Variants in WDR45B observed in about 807,000 individuals in gnomAD.
The protein encoded by WDR45B is WD repeat domain 45B, also known as WD repeat domain phosphoinositide-interacting protein 3.
Under a neutral mutation model 44.6 loss-of-function variants are expected in WDR45B, and 20 were observed. The observed-to-expected ratio is 0.45, with a 90% confidence interval of 0.32 to 0.65. The LOEUF (loss-of-function observed/expected upper bound fraction) is 0.65, where lower values mean the gene tolerates loss of function less well. WDR45B is among the 30% of genes least tolerant of loss of function. The pLI, the probability that WDR45B is intolerant of heterozygous loss-of-function variation, is 0.05. For missense variants in WDR45B, 323 were observed against 430.2 expected, an observed-to-expected ratio of 0.75 and a Z score of 2.20; for synonymous variants, 169 against 164.9, an observed-to-expected ratio of 1.02 and a Z score of -0.19.
At chr17:82,642,301 C>A (rs2045927649) in intron 2 of WDR45B, among the ~76,000 whole-genome samples, 1 of 152,182 alleles carries the variant, frequency 6.6e-6, no homozygotes, top group South Asian at 2.1e-4. Context: ...GCATGAACCC[C>A]ACTGTGAACG....
chr17:82,625,236 T>G (rs2045679524), intron 5 of WDR45B, among the ~76,000 whole-genome samples, 153 bp downstream of exon 5: 1 of 152,198 alleles, frequency 6.6e-6, no homozygotes, highest in Admixed American at 6.5e-5. Flanking sequence ...CTGTGGGTCC[T>G]GGAAGGTCCA....
intron 6 of WDR45B, 92 bp downstream of exon 6, chr17:82,621,517 C>T: frequency 1.3e-6 from 2 of 1,565,922 alleles, no homozygotes; most frequent in Non-Finnish European, 1.8e-6. Context: ...GGCAGGCCCA[C>T]TGCCTTTTGA....
intron 3 of WDR45B, among the ~76,000 whole-genome samples, chr17:82,628,326 CTT>C (rs1327536828): frequency 6.6e-6 from 1 of 152,158 alleles, no homozygotes; most frequent in African/African-American, 2.4e-5. Flanking sequence ...TTTCTTCTGT[CTT>C]GTTTGCCTGC....
At chr17:82,642,133 G>C (rs2045924324) in intron 2 of WDR45B, among the ~76,000 whole-genome samples, 1 of 152,024 alleles carries the variant, frequency 6.6e-6, no homozygotes, top group Non-Finnish European at 1.5e-5. Context: ...TGTATTCTTG[G>C]CAATTATCCT....
At chr17:82,639,374 T>C (rs1023355140) in intron 2 of WDR45B, among the ~76,000 whole-genome samples, 12 of 152,024 alleles carry the variant, frequency 7.9e-5, no homozygotes, top group Non-Finnish European at 1.5e-4. Flanking sequence ...AATATTGGTA[T>C]ACAGGCACCA....
rs974504421 is a variant in WDR45B at position 82,625,438 on chromosome 17, T to A, written c.378A>T (p.Thr126=). ...AGACGTGCAACTGATGGGGATTGTG[T>A]GTGAATGTGAACACCTTAATCATGG... ...LDSMIKVFTF[T]HNPHQLHVFE... Residue 126 remains threonine, a synonymous_variant, in exon 5 of 10, where the codon ACA becomes ACT. Transcript: ENST00000392325. The A allele has an allele frequency of 3.1e-6, 5 of 1,614,210 alleles. No individual in the cohort carries two copies. The highest frequency in any genetic ancestry group is 3.4e-6 in the Non-Finnish European group (4 of 1,180,032).
chr17:82,621,058 T>TC (rs1200016237), intron 6 of WDR45B, among the ~76,000 whole-genome samples: 1 of 150,152 alleles, frequency 6.7e-6, no homozygotes, highest in East Asian at 1.9e-4. Flanking sequence ...TTGTTTCTTT[T>TC]TTTTTTTTTT....
At chr17:82,627,102 C>T in intron 4 of WDR45B, 102 bp downstream of exon 4, 3 of 952,162 alleles carry the variant, frequency 3.2e-6, no homozygotes, top group Non-Finnish European at 3.4e-6. Flanking sequence ...CATTTTAATA[C>T]ATCATTTCCT....
At chr17:82,626,185 T>A (rs769090530) in intron 4 of WDR45B, among the ~76,000 whole-genome samples, 3 of 151,208 alleles carry the variant, frequency 2.0e-5, no homozygotes, top group East Asian at 2.0e-4. Flanking sequence ...CCGGCCACAT[T>A]TGCATTACTA....
intron 2 of WDR45B, among the ~76,000 whole-genome samples, chr17:82,634,150 CAAAAAAA>C (rs36183298): frequency 6.0e-4 from 19 of 31,908 alleles, no homozygotes; most frequent in South Asian, 2.4e-3. Context: ...GACTCCATCT[CAAAAAAA>C]AAAAAAAAAA....
At chr17:82,641,214 G>A (rs149991786) in intron 2 of WDR45B, among the ~76,000 whole-genome samples, 166 of 152,042 alleles carry the variant, frequency 1.1e-3, no homozygotes, top group African/African-American at 3.5e-3. Context: ...CAATCTGCTC[G>A]CCTCAGCCTC....
At chr17:82,624,914 G>A (rs908850258) in intron 5 of WDR45B, among the ~76,000 whole-genome samples, 3 of 152,094 alleles carry the variant, frequency 2.0e-5, no homozygotes, top group Non-Finnish European at 4.4e-5. Flanking sequence ...CACCGCGCCC[G>A]GCCACAAATG....
At chr17:82,628,837 TA>T (rs1467840983) in intron 3 of WDR45B, among the ~76,000 whole-genome samples, 1 of 151,914 alleles carries the variant, frequency 6.6e-6, no homozygotes, top group African/African-American at 2.4e-5. Context: ...CCGTCTCTAC[TA>T]AAAACACAAA....
At chr17:82,648,139 G>A (rs1361615440) in intron 1 of WDR45B, 135 bp downstream of exon 1, 5 of 1,040,524 alleles carry the variant, frequency 4.8e-6, no homozygotes, top group Admixed American at 3.3e-5. Flanking sequence ...GGCTTCGGAG[G>A]GGAGCTCGGG....
intron 5 of WDR45B, 100 bp from the exon 6 acceptor site, chr17:82,621,899 A>G: frequency 8.1e-7 from 1 of 1,227,816 alleles, no homozygotes; most frequent in Non-Finnish European, 1.2e-6. Context: ...ATAGATGTAT[A>G]TCATTTATAA....
At chr17:82,640,027 T>C (rs1259488424) in intron 2 of WDR45B, among the ~76,000 whole-genome samples, 1 of 106,662 alleles carries the variant, frequency 9.4e-6, no homozygotes, top group East Asian at 2.5e-4. Flanking sequence ...GGGTGTACAA[T>C]GGATGCAGGA....
chr17:82,620,987 T>C (rs1369636526), intron 6 of WDR45B, among the ~76,000 whole-genome samples: 1 of 151,952 alleles, frequency 6.6e-6, no homozygotes, highest in East Asian at 1.9e-4. Flanking sequence ...GCAAAATCTA[T>C]GAGAATATGA....
intron 7 of WDR45B, among the ~76,000 whole-genome samples, chr17:82,618,706 C>G (rs1043724537): frequency 1.3e-5 from 2 of 152,052 alleles, no homozygotes; most frequent in Non-Finnish European, 2.9e-5. Flanking sequence ...TGCACTCCAG[C>G]CTGGGCGACA....
intron 7 of WDR45B, among the ~76,000 whole-genome samples, chr17:82,618,481 G>GACGAGATGAAACTGGCA (rs1225539516): frequency 2.6e-5 from 4 of 152,190 alleles, no homozygotes; most frequent in African/African-American, 7.2e-5. Context: ...GAGCGCTGGT[G>GACGAGATGAAACTGGCA]ACGAGATGAA....
Sources: gnomAD v4.1 joint callset for allele counts (sites outside exome capture counted in the v4.1 genomes callset) on GRCh38, gnomAD v4.1.1 for gene constraint, MANE v1.5 for transcripts, NCBI Gene and HGNC (gene_info 2026-07-23, HGNC 2026-07-21) for gene names.